Variants in BTBD10 observed in about 807,000 individuals in gnomAD.
BTBD10 encodes BTB/POZ domain-containing protein 10.
Under a neutral mutation model 53.2 loss-of-function variants are expected in BTBD10, and 21 were observed. The observed-to-expected ratio is 0.39, with a 90% CI of 0.28 to 0.57. The LOEUF (loss-of-function observed/expected upper bound fraction) is 0.57, where lower values mean the gene tolerates loss of function less well. BTBD10 is among the 20% of genes least tolerant of loss of function. The pLI, the probability that BTBD10 is intolerant of heterozygous loss-of-function variation, is 0.53. For missense variants in BTBD10, 360 were observed against 594.7 expected (o/e 0.61, Z 4.10); for synonymous variants, 149 against 192.7 (o/e 0.77, Z 1.88).
intron 2 of BTBD10, among the ~76,000 whole-genome samples, chr11:13,431,384 T>A (rs746182027): frequency 3.2e-4 from 49 of 152,138 alleles, no homozygotes; most frequent in Non-Finnish European, 6.8e-4. Context: ...GAACCCTTAA[T>A]CATGATCCTC....
chr11:13,415,353 T>A (rs1375793722), intron 5 of BTBD10, among the ~76,000 whole-genome samples: 1 of 152,154 alleles, frequency 6.6e-6, no homozygotes, highest in Non-Finnish European at 1.5e-5. Flanking sequence ...ACTGACAAAC[T>A]GCATCTGCCG....
chr11:13,442,644 C>G (rs1424687849), intron 2 of BTBD10, among the ~76,000 whole-genome samples: 1 of 152,136 alleles, frequency 6.6e-6, no homozygotes, highest in African/African-American at 2.4e-5. Flanking sequence ...TATTCTTTCT[C>G]TGAACTCTTA....
At chr11:13,397,262 A>G (rs920015718) in intron 8 of BTBD10, among the ~76,000 whole-genome samples, 52 of 152,180 alleles carry the variant, frequency 3.4e-4, no homozygotes, top group African/African-American at 1.2e-3. Context: ...TTCCTGGTTT[A>G]GTCTTGGGAG....
intron 1 of BTBD10, among the ~76,000 whole-genome samples, chr11:13,447,458 T>C (rs1183154992): frequency 3.3e-5 from 5 of 152,192 alleles, no homozygotes; most frequent in Non-Finnish European, 7.3e-5. Context: ...TCAGATACTC[T>C]TCTGAATAGG....
chr11:13,412,476 C>A (rs896208621), intron 6 of BTBD10, among the ~76,000 whole-genome samples: 1 of 152,090 alleles, frequency 6.6e-6, no homozygotes, highest in Non-Finnish European at 1.5e-5. Context: ...ACAACAACAA[C>A]AAAAACCCAG....
intron 1 of BTBD10, 103 bp downstream of exon 1, chr11:13,462,989 G>C (rs1452460869): frequency 6.5e-6 from 1 of 153,000 alleles, no homozygotes; most frequent in African/African-American, 2.4e-5. Context: ...CAGCAGCCTG[G>C]CTCTCACGCC....
chr11:13,408,309 C>A (rs1469012475), intron 6 of BTBD10, among the ~76,000 whole-genome samples: 1 of 152,162 alleles, frequency 6.6e-6, no homozygotes, highest in Admixed American at 6.5e-5. Context: ...TGCCTCTCTG[C>A]AATTCATTTT....
At chr11:13,407,711 A>C (rs1289088035) in intron 6 of BTBD10, among the ~76,000 whole-genome samples, 3 of 152,214 alleles carry the variant, frequency 2.0e-5, no homozygotes, top group Non-Finnish European at 4.4e-5. Flanking sequence ...CAAAAAGTGG[A>C]GTCTAGCTCC....
chr11:13,407,451 A>G (rs964686861), intron 6 of BTBD10, among the ~76,000 whole-genome samples: 2 of 152,186 alleles, frequency 1.3e-5, no homozygotes, highest in Admixed American at 1.3e-4. Context: ...TCAAATCAGT[A>G]AATGGCATCA....
At chr11:13,400,342 G>A (rs1009808261) in intron 8 of BTBD10, among the ~76,000 whole-genome samples, 1 of 152,248 alleles carries the variant, frequency 6.6e-6, no homozygotes, top group Non-Finnish European at 1.5e-5. Context: ...AGGACCCTCA[G>A]AGCCAGGTGT....
intron 1 of BTBD10, among the ~76,000 whole-genome samples, chr11:13,447,509 C>T (rs1407126630): frequency 6.6e-6 from 1 of 152,174 alleles, no homozygotes; most frequent in Non-Finnish European, 1.5e-5. Context: ...GATCCTAAAC[C>T]ATGGGTGGCA....
At chr11:13,398,031 G>A (rs991265805) in intron 8 of BTBD10, among the ~76,000 whole-genome samples, 16 of 152,302 alleles carry the variant, frequency 1.1e-4, no homozygotes, top group African/African-American at 3.6e-4. Flanking sequence ...GATTTGGGGT[G>A]GGGAATTCTG....
In BTBD10 at chr11:13,390,733, T is replaced by C. The variant is rs548541898; in HGVS notation, c.1118-1592A>G. 5.3e-5 allele frequency among the ~76,000 whole-genome samples: 8 copies of C among 152,198 alleles called. No individual in the cohort carries two copies. In the South Asian group the frequency reaches 1.0e-3, roughly 20 times the overall value. On this transcript the variant is annotated intron_variant, in intron 8 of 8. Coordinates refer to ENST00000278174, the MANE Select transcript of BTBD10 (RefSeq NM_032320.7). ...AGACCATAGTTAGAATCAGAAAAAA[T>C]AGAATGGTCTCACATAGTAGGGGAT...
intron 3 of BTBD10, among the ~76,000 whole-genome samples, chr11:13,420,694 G>C (rs560883521): frequency 6.1e-4 from 93 of 152,036 alleles, no homozygotes; most frequent in Non-Finnish European, 1.2e-3. Context: ...AATTAGGTTT[G>C]ACATATCTCC....
intron 2 of BTBD10, chr11:13,440,060 TG>T: frequency 6.5e-7 from 1 of 1,529,868 alleles, no homozygotes; most frequent in Non-Finnish European, 8.7e-7. Context: ...AAGATTCCTC[TG>T]AACAATCAGA....
At chr11:13,442,826 T>C (rs1450464738) in intron 2 of BTBD10, among the ~76,000 whole-genome samples, 3 of 152,148 alleles carry the variant, frequency 2.0e-5, no homozygotes, top group Non-Finnish European at 2.9e-5. Context: ...TAATTTACTA[T>C]GAATTCAAAA....
At position 13,413,811 on chromosome 11, in the gene BTBD10, C is replaced by G. The variant is rs560038502; in HGVS notation, c.688-161G>C. The stretch of plus-strand genomic sequence containing the variant: ...TTAGATGAGACCTCCGTTCACCTAA[C>G]TACTTTTTCATTTTACCTATAAGGA... On this transcript the variant is annotated intron_variant, in intron 5 of 8. Transcript: ENST00000278174. Among the ~76,000 whole-genome samples the G allele has an allele frequency of 1.8e-4, 28 of 152,300 alleles. 1 individual carries two copies. The highest frequency in any genetic ancestry group is 6.5e-4 in the African/African-American group (27 of 41,576).
At chr11:13,396,981 G>A (rs4567437) in intron 8 of BTBD10, among the ~76,000 whole-genome samples, 117,725 of 152,116 alleles carry the variant, frequency 0.77, 46,313 homozygotes, top group Middle Eastern at 0.88. Context: ...ATGTTCATCA[G>A]GGATATTGGT....
intron 2 of BTBD10, among the ~76,000 whole-genome samples, chr11:13,435,782 C>T (rs955435563): frequency 6.6e-6 from 1 of 152,204 alleles, no homozygotes; most frequent in African/African-American, 2.4e-5. Context: ...TGAGCCACCA[C>T]GCCCGGCCAC....
Sources: allele counts gnomAD v4.1 joint callset (sites outside exome capture counted in the v4.1 genomes callset), GRCh38; gene constraint gnomAD v4.1.1; transcripts MANE v1.5; gene names NCBI Gene and HGNC (gene_info 2026-07-23, HGNC 2026-07-21).